Variants in SPATA1 observed in about 807,000 individuals in gnomAD.
SPATA1 encodes the protein spermatogenesis associated 1, also known as spermatogenesis-associated protein 1.
In SPATA1, 57 loss-of-function variants were observed where a neutral mutation model predicts 59.6. That is an observed-to-expected ratio of 0.96 (90% CI 0.77 to 1.19). The LOEUF is 1.19. Ranked by LOEUF, SPATA1 falls within the 50% of genes most tolerant of loss-of-function variation. SPATA1 has a pLI of 0.00. For missense variants in SPATA1, 448 were observed against 480.7 expected (o/e 0.93, Z 0.64); for synonymous variants, 147 against 163.9 (o/e 0.90, Z 0.79).
In SPATA1 at chr1:84,553,113, A is replaced by G. The variant is rs945658807; in HGVS notation, c.1303A>G (p.Asn435Asp). The change falls in exon 13 of 13, where the codon AAT (asparagine) becomes GAT (aspartate). Residue 435 changes from asparagine to aspartate, a missense_variant. Coordinates refer to ENST00000490879, the Ensembl canonical transcript of SPATA1. The stretch of plus-strand genomic sequence containing the variant: ...GAAAAAAAAAATAATACATCTCTAC[A>G]ATCTCAATTAGGTATGTTAATTTAA... 31 of 1,495,870 alleles carry G rather than the reference A, an allele frequency of 2.1e-5. No individual in the cohort carries two copies. In the Middle Eastern group the frequency reaches 6.9e-4, roughly 33 times the overall value. 92.7% of individuals were successfully genotyped at this position (1,495,870 alleles called of 1,614,324 possible). A position where few individuals can be genotyped will look rare whatever the true frequency, so the allele number is the denominator to read the frequency against.
chr1:84,561,615 G>A (rs927983858), intron 4 of SPATA1, among the ~76,000 whole-genome samples: 11 of 152,106 alleles, frequency 7.2e-5, no homozygotes, highest in African/African-American at 2.7e-4. Flanking sequence ...GAAATCTTTC[G>A]TGAAAGGAAG....
chr1:84,535,837 G>C (rs1435817844), intron 8 of SPATA1, among the ~76,000 whole-genome samples: 1 of 152,016 alleles, frequency 6.6e-6, no homozygotes, highest in African/African-American at 2.4e-5. Flanking sequence ...CCAGCTTCCT[G>C]AGTGTGAGAA....
At chr1:84,516,340 C>T (rs772027602) in exon 2 of SPATA1, 1 of 1,510,646 alleles carries the variant, frequency 6.6e-7, no homozygotes, top group South Asian at 1.4e-5. Context: ...GATAATTATC[C>T]CATTCAGACA....
intron 4 of SPATA1, among the ~76,000 whole-genome samples, chr1:84,524,595 A>G (rs1244577864): frequency 3.3e-5 from 5 of 151,820 alleles, no homozygotes; most frequent in Non-Finnish European, 7.4e-5. Flanking sequence ...TACTTCAGCT[A>G]AAAAAATCTT....
chr1:84,531,106 C>T (rs952291620), intron 6 of SPATA1, among the ~76,000 whole-genome samples: 4 of 152,064 alleles, frequency 2.6e-5, no homozygotes, highest in Non-Finnish European at 4.4e-5. Flanking sequence ...GCTGGTACGT[C>T]CATTTTTTAT....
rs941732025 is a variant in SPATA1, at chr1:84,533,363, G to A, written c.660-346G>A. Among the ~76,000 whole-genome samples the A allele has an allele frequency of 4.6e-5, 7 of 151,902 alleles. No homozygotes were observed. In the East Asian group the frequency reaches 1.3e-3, roughly 29 times the overall value. On this transcript the variant is annotated intron_variant, in intron 7 of 12. Transcript: ENST00000490879. Reference sequence around the variant, plus strand: ...TTATTCAAAATTATAGTACTTAGACGAGTTTTACACAGTCTTTTGAAATTA... The same window carrying A: ...TTATTCAAAATTATAGTACTTAGACAAGTTTTACACAGTCTTTTGAAATTA...
At chr1:84,530,005 C>T (rs917008668) in intron 6 of SPATA1, among the ~76,000 whole-genome samples, 1 of 151,988 alleles carries the variant, frequency 6.6e-6, no homozygotes, top group African/African-American at 2.4e-5. Context: ...TACAGGCACA[C>T]GCAGCCATGC....
chr1:84,554,840 C>T (rs985142951), downstream of SPATA1: 42 of 600,126 alleles, frequency 7.0e-5, no homozygotes, highest in East Asian at 8.3e-4. Context: ...TGAGGACATT[C>T]GTGTGTATTT....
At chr1:84,553,972 C>A (rs1684352901) in exon 13 of SPATA1, 1 of 152,016 alleles carries the variant, frequency 6.6e-6, no homozygotes, top group African/African-American at 2.4e-5. Context: ...AGTTGAGAAG[C>A]TAATCAGTGT....
At chr1:84,529,893 G>A (rs1683399011) in intron 6 of SPATA1, among the ~76,000 whole-genome samples, 1 of 145,094 alleles carries the variant, frequency 6.9e-6, no homozygotes, top group Non-Finnish European at 1.5e-5. Context: ...GTCTCGCTCT[G>A]TCACCCAGGC....
At chr1:84,561,603 C>A (rs531811596) in intron 4 of SPATA1, among the ~76,000 whole-genome samples, 1 of 152,272 alleles carries the variant, frequency 6.6e-6, no homozygotes, top group African/African-American at 2.4e-5. Context: ...ACGTTTTACA[C>A]AGAAATCTTT....
chr1:84,529,835 T>A (rs2101963368), intron 6 of SPATA1, among the ~76,000 whole-genome samples: 1 of 148,560 alleles, frequency 6.7e-6, no homozygotes, highest in Middle Eastern at 3.7e-3. Flanking sequence ...CATGAGTGAC[T>A]GCGCCCGGCT....
intron 8 of SPATA1, among the ~76,000 whole-genome samples, chr1:84,536,054 A>G (rs539933831): frequency 7.9e-5 from 12 of 152,380 alleles, no homozygotes; most frequent in African/African-American, 2.6e-4. Flanking sequence ...TTTGGTACAG[A>G]AAGTGTGACA....
chr1:84,543,393 T>TAA (rs1210412707), intron 8 of SPATA1, among the ~76,000 whole-genome samples: 1 of 151,736 alleles, frequency 6.6e-6, no homozygotes, highest in African/African-American at 2.4e-5. Context: ...AGAAAAGAGG[T>TAA]TTAATTGGCT....
intron 1 of SPATA1, among the ~76,000 whole-genome samples, chr1:84,512,206 A>AT (rs796973759): frequency 6.6e-6 from 1 of 152,192 alleles, no homozygotes; most frequent in African/African-American, 2.4e-5. Context: ...CTGTATTCTG[A>AT]TTTTTTTATT....
At chr1:84,557,501 C>G (rs1001066500), downstream of SPATA1, among the ~76,000 whole-genome samples, 2 of 137,798 alleles carry the variant, frequency 1.5e-5, no homozygotes, top group African/African-American at 2.8e-5. Context: ...CCACTGCACT[C>G]CAGCCTGGGC....
chr1:84,553,926 T>G (rs1255167342), exon 13 of SPATA1: 9 of 152,182 alleles, frequency 5.9e-5, no homozygotes, highest in Non-Finnish European at 1.3e-4. Context: ...TTTAGAAAAC[T>G]TATTTGTATA....
intron 6 of SPATA1, among the ~76,000 whole-genome samples, chr1:84,532,618 G>C (rs1325930448): frequency 1.3e-5 from 2 of 152,146 alleles, no homozygotes; most frequent in African/African-American, 2.4e-5. Flanking sequence ...TTGTGTTGCT[G>C]TTTGATGTTG....
At chr1:84,548,850 T>G in exon 11 of SPATA1, 1 of 1,590,712 alleles carries the variant, frequency 6.3e-7, no homozygotes, top group Non-Finnish European at 8.6e-7. Flanking sequence ...TGGAGGAGGT[T>G]TTAACAAAAC....
Sources: allele counts gnomAD v4.1 joint callset (sites outside exome capture counted in the v4.1 genomes callset), GRCh38; gene constraint gnomAD v4.1.1; transcripts MANE v1.5; gene names NCBI Gene and HGNC (gene_info 2026-07-23, HGNC 2026-07-21).